DPP10: variants seen among roughly 807,000 people sequenced by gnomAD.
DPP10 encodes the protein inactive dipeptidyl peptidase 10.
In DPP10, 33 loss-of-function variants were observed where a neutral mutation model predicts 120.9. The observed-to-expected ratio is 0.27, with a 90% CI of 0.21 to 0.37. DPP10 has a LOEUF of 0.37. Among genes scored for constraint, DPP10 ranks in the 10% least tolerant of loss-of-function variants. The probability of loss-of-function intolerance (pLI) is 1.00; values close to 1 mark genes in which losing one functional copy is unlikely to be tolerated. For missense variants in DPP10, 816 were observed against 942.8 expected (o/e 0.87, Z 1.76); for synonymous variants, 337 against 326.1 (o/e 1.03, Z -0.36).
chr2:114,676,434 T>C (rs1698677313), intron 1 of DPP10, among the ~76,000 whole-genome samples: 1 of 152,150 alleles, frequency 6.6e-6, no homozygotes, highest in African/African-American at 2.4e-5. Context: ...GTGAGCATTA[T>C]TGGTAGTATA....
intron 1 of DPP10, among the ~76,000 whole-genome samples, chr2:115,241,072 C>A (rs534314971): frequency 1.3e-3 from 201 of 152,218 alleles, no homozygotes; most frequent in Non-Finnish European, 1.9e-3. Context: ...AGTTCGAGAC[C>A]AGTCTGACCA....
At chr2:114,472,684 T>G (rs75403523) in intron 1 of DPP10, among the ~76,000 whole-genome samples, 2 of 152,144 alleles carry the variant, frequency 1.3e-5, no homozygotes, top group East Asian at 3.9e-4. Context: ...TCCCCCAACT[T>G]CTAGTAACTT....
chr2:115,780,767 G>T, intron 15 of DPP10, 107 bp from the exon 16 acceptor site: 1 of 1,035,770 alleles, frequency 9.7e-7, no homozygotes. Flanking sequence ...CTCTATGCAA[G>T]CACCGATGTA....
chr2:114,473,658 C>T lies in DPP10; in HGVS notation c.60+30820C>T, dbSNP rs138071531. On this transcript the variant is annotated intron_variant, in intron 1 of 25. Coordinates refer to ENST00000410059, the MANE Select transcript of DPP10 (RefSeq NM_020868.6). ...ATTGTGAACAGTCCCAGATATTGAACCTTAGAGGACTCATGAAGTTACATA... is the reference window on the plus strand; with the variant it reads ...ATTGTGAACAGTCCCAGATATTGAATCTTAGAGGACTCATGAAGTTACATA... 3.2e-4 allele frequency among the ~76,000 whole-genome samples: 49 copies of T among 152,148 alleles called. 1 individual carries two copies. In the East Asian group the frequency reaches 9.3e-3, roughly 29 times the overall value.
At chr2:115,526,100 A>G (rs2078121613) in intron 5 of DPP10, 128 bp downstream of exon 5, 1 of 621,176 alleles carries the variant, frequency 1.6e-6, no homozygotes, top group Non-Finnish European at 2.7e-6. Context: ...GAGGACAGTA[A>G]TGACTACTTT....
intron 1 of DPP10, among the ~76,000 whole-genome samples, chr2:115,147,216 G>A (rs2051275496): frequency 6.6e-6 from 1 of 151,130 alleles, no homozygotes; most frequent in African/African-American, 2.4e-5. Context: ...CTATACCATA[G>A]TATACCATAA....
At chr2:114,667,380 A>G (rs1466398650) in intron 1 of DPP10, among the ~76,000 whole-genome samples, 4 of 152,168 alleles carry the variant, frequency 2.6e-5, no homozygotes, top group Non-Finnish European at 4.4e-5. Flanking sequence ...TTTCTAGTTG[A>G]TGTAACCTGA....
At chr2:115,612,108 G>A (rs1191246237) in intron 5 of DPP10, among the ~76,000 whole-genome samples, 1 of 152,036 alleles carries the variant, frequency 6.6e-6, no homozygotes, top group African/African-American at 2.4e-5. Context: ...CCTCATCAGG[G>A]AACTATTCTG....
At chr2:114,720,287 CT>C (rs1202917687) in intron 1 of DPP10, among the ~76,000 whole-genome samples, 1 of 152,084 alleles carries the variant, frequency 6.6e-6, no homozygotes, top group African/African-American at 2.4e-5. Context: ...AGCACTAGGT[CT>C]CTTTAATATA....
intron 2 of DPP10, among the ~76,000 whole-genome samples, chr2:115,324,963 G>T (rs1266997113): frequency 6.6e-6 from 1 of 152,078 alleles, no homozygotes; most frequent in Non-Finnish European, 1.5e-5. Flanking sequence ...TGATGTCACG[G>T]TTAGAACACG....
At chr2:115,033,468 C>T (rs1193341674) in intron 1 of DPP10, among the ~76,000 whole-genome samples, 2 of 152,104 alleles carry the variant, frequency 1.3e-5, no homozygotes, top group Admixed American at 6.6e-5. Context: ...GTAATACCAT[C>T]GTTCTTACCC....
chr2:114,706,907 CTT>C (rs1274242622), intron 1 of DPP10, among the ~76,000 whole-genome samples: 2 of 151,484 alleles, frequency 1.3e-5, no homozygotes, highest in African/African-American at 2.4e-5. Flanking sequence ...TGGAACTTCT[CTT>C]TATAATTTTC....
chr2:115,371,212 A>T (rs1213616454), intron 3 of DPP10, among the ~76,000 whole-genome samples: 1 of 152,008 alleles, frequency 6.6e-6, no homozygotes, highest in Non-Finnish European at 1.5e-5. Flanking sequence ...CCGTCATGTG[A>T]ATTTTAAATT....
At chr2:115,289,994 A>G (rs921166115) in intron 1 of DPP10, among the ~76,000 whole-genome samples, 1 of 152,150 alleles carries the variant, frequency 6.6e-6, no homozygotes, top group African/African-American at 2.4e-5. Context: ...AACATAAGTA[A>G]ATGGGACCTA....
intron 3 of DPP10, among the ~76,000 whole-genome samples, chr2:115,380,714 T>C (rs4471901): frequency 0.17 from 25,814 of 151,582 alleles, 2,245 homozygotes; most frequent in East Asian, 0.34. Flanking sequence ...CCATGTTTAG[T>C]GCTTCCTTCA....
At chr2:115,400,571 A>G (rs530761316) in intron 3 of DPP10, among the ~76,000 whole-genome samples, 34 of 152,254 alleles carry the variant, frequency 2.2e-4, no homozygotes, top group African/African-American at 7.9e-4. Flanking sequence ...GTAAGTCCAG[A>G]TGCTTCCTGA....
chr2:114,905,728 T>C (rs940861503), intron 1 of DPP10, among the ~76,000 whole-genome samples: 1 of 152,182 alleles, frequency 6.6e-6, no homozygotes, highest in Non-Finnish European at 1.5e-5. Flanking sequence ...TTTTATTTTT[T>C]GTAGAAACAG....
At chr2:115,440,369 A>G (rs2104859887) in intron 3 of DPP10, among the ~76,000 whole-genome samples, 1 of 152,074 alleles carries the variant, frequency 6.6e-6, no homozygotes, top group East Asian at 1.9e-4. Context: ...AGCTGCATTT[A>G]TCTACTGTAT....
chr2:115,502,098 T>G (rs1038837497), intron 4 of DPP10, among the ~76,000 whole-genome samples: 1 of 152,072 alleles, frequency 6.6e-6, no homozygotes, highest in African/African-American at 2.4e-5. Flanking sequence ...AAATTTATTT[T>G]TAAAATTAAG....
Sources: allele counts gnomAD v4.1 joint callset (sites outside exome capture counted in the v4.1 genomes callset), GRCh38; gene constraint gnomAD v4.1.1; transcripts MANE v1.5; gene names NCBI Gene and HGNC (gene_info 2026-07-23, HGNC 2026-07-21).